Variants in KDM2B observed in about 807,000 individuals in gnomAD.
KDM2B encodes the protein lysine demethylase 2B, also known as lysine-specific demethylase 2B.
A neutral mutation model predicts 150.0 loss-of-function variants in KDM2B; 26 were observed. That is an observed-to-expected ratio of 0.17 (90% CI 0.13 to 0.24). KDM2B has a LOEUF of 0.24. Ranked by LOEUF, KDM2B falls within the 10% of genes least tolerant of loss-of-function variation. The pLI is 1.00. For missense variants in KDM2B, 1,265 were observed against 1,816.9 expected (o/e 0.70, Z 5.52); for synonymous variants, 734 against 729.5 (o/e 1.01, Z -0.10).
chr12:121,542,392 C>G (rs782300664), intron 6 of KDM2B, among the ~76,000 whole-genome samples: 41 of 152,198 alleles, frequency 2.7e-4, no homozygotes, highest in Admixed American at 3.9e-4. Flanking sequence ...CACTCCACCC[C>G]CCTTGGCCTC....
rs781878162 is a variant in KDM2B at position 121,494,606 on chromosome 12, C to G, written c.1707G>C (p.Val569=). The change falls in exon 12 of 23, where the codon GTG becomes GTC. Residue 569 remains valine, a synonymous_variant. Transcript: ENST00000377071. The part of the protein sequence containing the change: ...DPSLAITGVP[V]VTWPKKTPKN... ...TTGGAGTCTTCTTTGGCCAAGTCAC[C>G]ACAGGGACCCCAGTGATGGCCAGAC... The G allele has an allele frequency of 6.2e-7, 1 of 1,613,654 alleles. No homozygotes were observed. The highest frequency in any genetic ancestry group is 8.5e-7 in the Non-Finnish European group (1 of 1,179,844).
At chr12:121,423,566 T>TC in the KDM2B span, 1 of 1,613,168 alleles carries the variant, frequency 6.2e-7, no homozygotes, top group Non-Finnish European at 8.5e-7. This position sits in a 1 kb window ranked among gnomAD's most constrained non-coding sequence, Gnocchi z 4.3. Context: ...GTGCACGTGT[T>TC]CAAGTCCTGA....
At chr12:121,502,446 A>AC (rs1381619874) in intron 11 of KDM2B, among the ~76,000 whole-genome samples, 1 of 151,974 alleles carries the variant, frequency 6.6e-6, no homozygotes, top group Non-Finnish European at 1.5e-5. Context: ...ACATGGCGAA[A>AC]CCCCACCTCT....
At chr12:121,426,619 A>T (rs1555284273), downstream of KDM2B, among the ~76,000 whole-genome samples, 2 of 128,500 alleles carry the variant, frequency 1.6e-5, no homozygotes, top group Non-Finnish European at 3.2e-5. Flanking sequence ...AATTTTAAAC[A>T]ATTTTTTTTT....
At chr12:121,491,417 G>A (rs1256335486) in intron 12 of KDM2B, among the ~76,000 whole-genome samples, 4 of 152,270 alleles carry the variant, frequency 2.6e-5, no homozygotes, top group South Asian at 2.1e-4. Flanking sequence ...TTCAGGGCTC[G>A]GTGGTGGACC....
At chr12:121,448,384 A>G (rs933631100) in intron 13 of KDM2B, among the ~76,000 whole-genome samples, 1 of 151,338 alleles carries the variant, frequency 6.6e-6, no homozygotes, top group Non-Finnish European at 1.5e-5. Context: ...GTCCTCTCAC[A>G]TCAAACTCAG....
intron 6 of KDM2B, among the ~76,000 whole-genome samples, chr12:121,540,981 C>G (rs1189983140): frequency 6.6e-6 from 1 of 151,930 alleles, no homozygotes; most frequent in East Asian, 1.9e-4. Flanking sequence ...GTTTGTAATC[C>G]CAACACTTTG....
intron 12 of KDM2B, among the ~76,000 whole-genome samples, chr12:121,472,927 AT>A (rs200343794): frequency 0.015 from 2,290 of 150,290 alleles, 48 homozygotes; most frequent in East Asian, 0.13. Flanking sequence ...TAATTTAATG[AT>A]TTTTTTTTTA....
At chr12:121,448,005 A>C (rs1186838513) in intron 13 of KDM2B, among the ~76,000 whole-genome samples, 4 of 151,418 alleles carry the variant, frequency 2.6e-5, no homozygotes, top group African/African-American at 9.8e-5. Context: ...TGTTATTTTA[A>C]GATAAATTTA....
At chr12:121,524,889 T>C in intron 8 of KDM2B, 2 of 244,804 alleles carry the variant, frequency 8.2e-6, no homozygotes, top group Non-Finnish European at 1.7e-5. Flanking sequence ...GCACATTCTC[T>C]GGGACCTCAG....
intron 12 of KDM2B, among the ~76,000 whole-genome samples, chr12:121,474,624 T>C (rs1555296439): frequency 6.6e-6 from 1 of 152,154 alleles, no homozygotes; most frequent in East Asian, 1.9e-4. Context: ...CACAAGAATA[T>C]AATACCATAT....
chr12:121,456,352 G>C (rs928172200), intron 12 of KDM2B, among the ~76,000 whole-genome samples: 1 of 152,110 alleles, frequency 6.6e-6, no homozygotes, highest in Non-Finnish European at 1.5e-5. Flanking sequence ...ATCCAAAAAC[G>C]TTTCTCCCTG....
In KDM2B at chr12:121,521,668, G is replaced by T. The variant is rs1192614081; in HGVS notation, c.932-568C>A. On this transcript the variant is annotated intron_variant, in intron 8 of 22. Transcript: ENST00000377071. This position sits in a 1 kb window ranked among gnomAD's most constrained non-coding sequence, Gnocchi z 4.9. ...CATGTGGTCTCCTTGGTCACACAAC[G>T]CCTGCATGCCCCCCTCAGCTCTGCC... 6.6e-6 allele frequency among the ~76,000 whole-genome samples: 1 copy of T among 152,074 alleles called. No individual in the cohort carries two copies. The highest frequency in any genetic ancestry group is 2.4e-5 in the African/African-American group (1 of 41,420).
intron 15 of KDM2B, 74 bp downstream of exon 15, chr12:121,444,376 G>T (rs782607249): frequency 3.1e-5 from 50 of 1,606,404 alleles, no homozygotes; most frequent in Non-Finnish European, 4.1e-5. Flanking sequence ...AAACTCCTGG[G>T]ACAGGCTGGT....
intron 2 of KDM2B, 115 bp downstream of exon 2, chr12:121,578,687 G>T: frequency 3.4e-6 from 1 of 297,180 alleles, no homozygotes; most frequent in Non-Finnish European, 5.2e-6. Flanking sequence ...TTCGTCACCG[G>T]ATCCCCTGGA....
the KDM2B span, among the ~76,000 whole-genome samples, chr12:121,410,584 T>C: frequency 6.6e-6 from 1 of 152,056 alleles, no homozygotes; most frequent in East Asian, 1.9e-4. Context: ...AAAAAAATAC[T>C]TCAAATATAC....
At chr12:121,455,765 G>A (rs868981673) in intron 12 of KDM2B, among the ~76,000 whole-genome samples, 14 of 152,128 alleles carry the variant, frequency 9.2e-5, no homozygotes, top group Non-Finnish European at 2.1e-4. Context: ...CAACATACTC[G>A]CATAGTCCCA....
chr12:121,481,727 T>C (rs370617918), intron 12 of KDM2B, among the ~76,000 whole-genome samples: 1 of 152,010 alleles, frequency 6.6e-6, no homozygotes, highest in Non-Finnish European at 1.5e-5. Context: ...GCCCTCAAGA[T>C]CTCAATTGCT....
Position 121,430,031 on chromosome 12 carries a change from G to T in KDM2B, c.*257C>A. On this transcript the variant is annotated 3_prime_UTR_variant, in exon 23 of 23. Transcript: ENST00000377071. The surrounding 1 kb of genome is among the most constrained non-coding windows in gnomAD (Gnocchi z 4.4). Reference sequence around the variant, plus strand: ...CGAAGTCCACCCTCCTCTCCGACAGGAATGTCTTCTTGTAAAGGCCGCCTT... The same window carrying T: ...CGAAGTCCACCCTCCTCTCCGACAGTAATGTCTTCTTGTAAAGGCCGCCTT... 1.7e-6 allele frequency: 2 copies of T among 1,160,352 alleles called. No individual in the cohort carries two copies. The highest frequency in any genetic ancestry group is 2.6e-6 in the Non-Finnish European group (2 of 766,040). The allele number at this position is 1,160,352 out of a possible 1,614,324, so 71.9% of individuals were successfully genotyped here.
Sources: allele counts gnomAD v4.1 joint callset (sites outside exome capture counted in the v4.1 genomes callset), GRCh38; gene constraint gnomAD v4.1.1; non-coding constraint Gnocchi (gnomAD v3.1); transcripts MANE v1.5; gene names NCBI Gene and HGNC (gene_info 2026-07-23, HGNC 2026-07-21).